Variants in CSRNP3 observed in about 807,000 individuals in gnomAD.
CSRNP3 encodes the protein cysteine and serine rich nuclear protein 3.
CSRNP3 carries 12 observed loss-of-function variants against 48.0 expected under a neutral mutation model. The observed-to-expected ratio is 0.25, with a 90% CI of 0.16 to 0.41. The LOEUF is 0.41. CSRNP3 is among the 10% of genes least tolerant of loss of function. The pLI, the probability that CSRNP3 is intolerant of heterozygous loss-of-function variation, is 1.00. For synonymous variants in CSRNP3, 263 were observed against 269.7 expected (o/e 0.98, Z 0.24); for missense variants, 580 against 724.4 (o/e 0.80, Z 2.29).
chr2:165,623,290 C>T (rs890778098), intron 4 of CSRNP3, among the ~76,000 whole-genome samples: 3 of 152,040 alleles, frequency 2.0e-5, no homozygotes, highest in Admixed American at 6.6e-5. Flanking sequence ...CAAGCATAAC[C>T]GCCTGAGCTA....
chr2:165,548,263 G>T (rs1326005448), intron 3 of CSRNP3, among the ~76,000 whole-genome samples: 2 of 151,848 alleles, frequency 1.3e-5, no homozygotes, highest in African/African-American at 4.8e-5. Flanking sequence ...TGGGATTGGG[G>T]GTCTTAACAT....
chr2:165,592,673 C>T (rs1044384950), intron 3 of CSRNP3, among the ~76,000 whole-genome samples: 2 of 152,098 alleles, frequency 1.3e-5, no homozygotes, highest in African/African-American at 4.8e-5. Context: ...GGGCTTTTTC[C>T]CTTTTTCTTG....
chr2:165,617,558 C>A (rs540492777), intron 4 of CSRNP3, among the ~76,000 whole-genome samples: 1 of 152,294 alleles, frequency 6.6e-6, no homozygotes, highest in East Asian at 1.9e-4. Flanking sequence ...TGTGTGGACA[C>A]TGGCTGTGGT....
chr2:165,640,047 G>A (rs1176729591), intron 4 of CSRNP3, among the ~76,000 whole-genome samples: 1 of 152,118 alleles, frequency 6.6e-6, no homozygotes, highest in East Asian at 1.9e-4. Flanking sequence ...CTCTTATCAT[G>A]TGGGGCTGGT....
chr2:165,651,983 C>T (rs1686919219), intron 4 of CSRNP3, among the ~76,000 whole-genome samples: 2 of 151,954 alleles, frequency 1.3e-5, no homozygotes, highest in Admixed American at 1.3e-4. Context: ...GGATAGGTAG[C>T]TTCTGGAGAT....
At chr2:165,494,027 G>C (rs980485301) in intron 1 of CSRNP3, among the ~76,000 whole-genome samples, 1 of 152,082 alleles carries the variant, frequency 6.6e-6, no homozygotes, top group African/African-American at 2.4e-5. Context: ...TTTAAGAAAT[G>C]TATCAGGCTA....
intron 2 of CSRNP3, among the ~76,000 whole-genome samples, chr2:165,505,506 A>G (rs144423047): frequency 6.4e-4 from 98 of 152,236 alleles, no homozygotes; most frequent in Middle Eastern, 3.4e-3. Context: ...AGCATCTCAT[A>G]TTCTATAGCT....
chr2:165,619,252 CT>C (rs1215488055), intron 4 of CSRNP3, among the ~76,000 whole-genome samples: 1 of 152,134 alleles, frequency 6.6e-6, no homozygotes, highest in Non-Finnish European at 1.5e-5. Context: ...AGGAAAATCT[CT>C]TCTTCTATGT....
chr2:165,678,660 G>A, intron 6 of CSRNP3, 41 bp from the exon 7 acceptor site: 1 of 1,580,546 alleles, frequency 6.3e-7, no homozygotes, highest in South Asian at 1.2e-5. Flanking sequence ...TATTTGGTTT[G>A]TAATAGTTCC....
rs1558974331 is a variant in CSRNP3 at position 165,681,746 on chromosome 2, TATATATATATATATAC to T, written c.*1995_*2010del. On this transcript the variant is annotated 3_prime_UTR_variant, in exon 7 of 7. Transcript: ENST00000651982. Reference sequence around the variant, plus strand: ...ATATACATATATATATATATATATATATATATATATATATACACACACACACACACATACACATATA... The same window carrying T: ...ATATACATATATATATATATATATATACACACACACACACATACACATATA... 1 of 89,648 alleles carries T rather than the reference TATATATATATATATAC, an allele frequency of 1.1e-5. No individual in the cohort carries two copies. Among genetic ancestry groups the T allele is most frequent in the African/African-American group, 3.7e-5 (1 of 26,838 alleles). The allele number at this position is 89,648 out of a possible 1,614,324, so 5.6% of individuals were successfully genotyped here.
chr2:165,570,662 T>C (rs1685356922), intron 3 of CSRNP3, among the ~76,000 whole-genome samples: 1 of 151,726 alleles, frequency 6.6e-6, no homozygotes, highest in African/African-American at 2.4e-5. Context: ...CATGATCAAA[T>C]ATATTAACTA....
rs545446897 is a variant in CSRNP3 at position 165,552,692 on chromosome 2, C to G, written c.-24+34731C>G. ...CTAATACCATACCTTCATAATTTAT[C>G]TATTTTTTATTTTTTTATTTTTTTT... On this transcript the variant is annotated intron_variant, in intron 3 of 6. Transcript: ENST00000651982. Among the ~76,000 whole-genome samples the G allele has an allele frequency of 2.6e-5, 4 of 151,940 alleles. No individual in the cohort carries two copies. The East Asian group carries it at 7.7e-4, about 29-fold the overall frequency.
intron 1 of CSRNP3, among the ~76,000 whole-genome samples, chr2:165,477,584 G>C (rs1426633153): frequency 6.7e-6 from 1 of 149,148 alleles, no homozygotes; most frequent in African/African-American, 2.5e-5. Context: ...CAGGGGAATC[G>C]CTTGAACCCG....
At chr2:165,552,425 G>T (rs1685109284) in intron 3 of CSRNP3, among the ~76,000 whole-genome samples, 1 of 152,076 alleles carries the variant, frequency 6.6e-6, no homozygotes, top group African/African-American at 2.4e-5. Flanking sequence ...ATATACTTTG[G>T]TTTTTGAAAA....
chr2:165,636,846 T>A (rs981010033), intron 4 of CSRNP3, among the ~76,000 whole-genome samples: 3 of 152,210 alleles, frequency 2.0e-5, no homozygotes, highest in Admixed American at 2.0e-4. Context: ...TAATTTTTTT[T>A]AATAATGCTA....
At chr2:165,474,988 T>C (rs1260808315) in intron 1 of CSRNP3, among the ~76,000 whole-genome samples, 3 of 152,168 alleles carry the variant, frequency 2.0e-5, no homozygotes, top group Non-Finnish European at 4.4e-5. Context: ...TATATCACAA[T>C]ATATTTAATA....
At chr2:165,612,072 A>G (rs144177215) in intron 4 of CSRNP3, among the ~76,000 whole-genome samples, 2 of 152,176 alleles carry the variant, frequency 1.3e-5, no homozygotes, top group East Asian at 3.9e-4. Context: ...TACATTGTCT[A>G]GGTAATATTT....
At chr2:165,596,666 T>C (rs1246845733) in intron 4 of CSRNP3, among the ~76,000 whole-genome samples, 3 of 152,166 alleles carry the variant, frequency 2.0e-5, no homozygotes, top group Non-Finnish European at 4.4e-5. Flanking sequence ...CATATCATGA[T>C]GGTATGAAAT....
At chr2:165,588,718 G>A (rs1259442435) in intron 3 of CSRNP3, among the ~76,000 whole-genome samples, 2 of 152,200 alleles carry the variant, frequency 1.3e-5, no homozygotes, top group East Asian at 3.9e-4. Flanking sequence ...ACTCTGGGGG[G>A]TCGAGGTGAG....
Sources: allele counts gnomAD v4.1 joint callset (sites outside exome capture counted in the v4.1 genomes callset), GRCh38; gene constraint gnomAD v4.1.1; transcripts MANE v1.5; gene names NCBI Gene and HGNC (gene_info 2026-07-23, HGNC 2026-07-21).